Variants in MEGF10 observed in about 807,000 individuals in gnomAD.
MEGF10 encodes the protein multiple epidermal growth factor-like domains protein 10.
MEGF10 carries 86 observed loss-of-function variants against 147.5 expected under a neutral mutation model. The observed-to-expected ratio is 0.58, with a 90% CI of 0.49 to 0.70. The LOEUF (loss-of-function observed/expected upper bound fraction) is 0.70, where lower values mean the gene tolerates loss of function less well. MEGF10 is among the 30% of genes least tolerant of loss of function. The pLI is 0.00. For missense variants in MEGF10, 1,329 were observed against 1,487.3 expected (o/e 0.89, Z 1.75); for synonymous variants, 478 against 525.5 (o/e 0.91, Z 1.24).
intron 2 of MEGF10, among the ~76,000 whole-genome samples, 169 bp from the exon 3 acceptor site, chr5:127,338,951 T>C (rs1193130748): frequency 6.6e-6 from 1 of 152,108 alleles, no homozygotes; most frequent in Admixed American, 6.6e-5. Flanking sequence ...ATTGATCCTT[T>C]TGGGGTTCTA....
chr5:127,424,292 T>C, intron 13 of MEGF10: 1 of 702,554 alleles, frequency 1.4e-6, no homozygotes, highest in Non-Finnish European at 2.6e-6. Flanking sequence ...GAGGAAGCAT[T>C]AAAACTGAGA....
At chr5:127,378,865 T>C (rs1460773555) in intron 5 of MEGF10, among the ~76,000 whole-genome samples, 5 of 151,858 alleles carry the variant, frequency 3.3e-5, no homozygotes, top group Non-Finnish European at 7.4e-5. Context: ...TGGTTTTTTT[T>C]TTTTGGTGCA....
intron 4 of MEGF10, among the ~76,000 whole-genome samples, chr5:127,342,109 G>A (rs975156929): frequency 8.5e-5 from 13 of 152,094 alleles, no homozygotes; most frequent in African/African-American, 3.1e-4. Context: ...GATTAATAAT[G>A]ATGCTGAATA....
At chr5:127,321,886 T>C (rs139933571) in intron 1 of MEGF10, among the ~76,000 whole-genome samples, 380 of 152,216 alleles carry the variant, frequency 2.5e-3, no homozygotes, top group African/African-American at 8.7e-3. Context: ...GATGCTCAAG[T>C]ACCCTGCTAC....
At chr5:127,390,363 C>A (rs1321480221) in intron 5 of MEGF10, among the ~76,000 whole-genome samples, 2 of 152,030 alleles carry the variant, frequency 1.3e-5, no homozygotes, top group African/African-American at 4.8e-5. Flanking sequence ...AATCACGACT[C>A]ACTGCAGCCT....
At chr5:127,253,975 T>C in the MEGF10 span, among the ~76,000 whole-genome samples, 2 of 152,132 alleles carry the variant, frequency 1.3e-5, no homozygotes, top group Non-Finnish European at 2.9e-5. Flanking sequence ...GTCAAAGTCA[T>C]ACATATTCAC....
At chr5:127,270,170 T>G in the MEGF10 span, among the ~76,000 whole-genome samples, 2 of 152,120 alleles carry the variant, frequency 1.3e-5, no homozygotes, top group African/African-American at 4.8e-5. Context: ...AGAAACTGCA[T>G]CAACTAATGA....
intron 20 of MEGF10, among the ~76,000 whole-genome samples, chr5:127,447,116 G>A (rs1183638287): frequency 6.6e-6 from 1 of 152,200 alleles, no homozygotes; most frequent in Non-Finnish European, 1.5e-5. Context: ...GGCTGGGCAG[G>A]AGGAGATTCT....
chr5:127,396,592 C>A lies in MEGF10; in HGVS notation c.473C>A (p.Ala158Asp), dbSNP rs1763922568. Residue 158 changes from alanine (A) to aspartate (D), a missense_variant, in exon 6 of 25, where the codon GCT (alanine) becomes GAT (aspartate). Transcript: ENST00000503335. ...AGCCGGTGCCAGTGCAAAAATGGGG[C>A]TCTGTGCAACCCCATCACCGGGGCT... ...CTSRCQCKNG[A>D]LCNPITGACH... is the part of the protein sequence containing the mutation. The A allele has an allele frequency of 1.9e-6, 3 of 1,605,722 alleles. No homozygotes were observed. The South Asian group carries it at 3.3e-5, about 18-fold the overall frequency.
the MEGF10 span, among the ~76,000 whole-genome samples, chr5:127,239,799 G>A: frequency 6.6e-6 from 1 of 152,014 alleles, no homozygotes. Context: ...TTTTAAAAAG[G>A]AATGATTTAG....
At position 127,460,465 on chromosome 5, in the gene MEGF10, G is replaced by A. The variant is rs1766521787; in HGVS notation, c.*3147G>A. On this transcript the variant is annotated 3_prime_UTR_variant, in exon 25 of 25. Transcript: ENST00000503335. Reference sequence around the variant, plus strand: ...ATGGAATTTATATTCACCAATTTCAGGAAAACCAACCATAGAACTTTATAA... The same window carrying A: ...ATGGAATTTATATTCACCAATTTCAAGAAAACCAACCATAGAACTTTATAA... The A allele has an allele frequency of 6.6e-6, 1 of 152,094 alleles. No homozygotes were observed. The highest frequency in any genetic ancestry group is 2.4e-5 in the African/African-American group (1 of 41,414). The allele number at this position is 152,094 out of a possible 1,614,324, so 9.4% of individuals were successfully genotyped here.
intron 22 of MEGF10, 26 bp from the exon 23 acceptor site, chr5:127,454,540 G>T: frequency 6.3e-7 from 1 of 1,598,120 alleles, no homozygotes; most frequent in Non-Finnish European, 8.5e-7. Flanking sequence ...TTCTCACTGG[G>T]TGTTTTTTTT....
At chr5:127,424,942 C>T (rs919802618) in intron 13 of MEGF10, among the ~76,000 whole-genome samples, 3 of 152,196 alleles carry the variant, frequency 2.0e-5, no homozygotes, top group African/African-American at 7.2e-5. Flanking sequence ...ACATTTTTAA[C>T]CTTCTGGCAA....
chr5:127,268,564 C>A, the MEGF10 span, among the ~76,000 whole-genome samples: 48 of 152,144 alleles, frequency 3.2e-4, no homozygotes. Flanking sequence ...GTTGGTGAGG[C>A]TGGAGTAGGT....
chr5:127,368,195 A>G (rs1264426430), intron 4 of MEGF10, among the ~76,000 whole-genome samples: 1 of 152,208 alleles, frequency 6.6e-6, no homozygotes, highest in Admixed American at 6.5e-5. Flanking sequence ...CAGTGTGTTC[A>G]TATGTTACAG....
chr5:127,254,060 A>G, the MEGF10 span, among the ~76,000 whole-genome samples: 3 of 152,154 alleles, frequency 2.0e-5, no homozygotes, highest in African/African-American at 4.8e-5. Flanking sequence ...CCCATTTCCA[A>G]AGTAAAAAAT....
At chr5:127,278,803 T>G in the MEGF10 span, among the ~76,000 whole-genome samples, 1 of 152,172 alleles carries the variant, frequency 6.6e-6, no homozygotes, top group Non-Finnish European at 1.5e-5. Flanking sequence ...GGTCTTCAAC[T>G]GACAGTGAAG....
intron 4 of MEGF10, among the ~76,000 whole-genome samples, chr5:127,356,212 C>T (rs995811603): frequency 6.6e-6 from 1 of 152,196 alleles, no homozygotes; most frequent in African/African-American, 2.4e-5. Flanking sequence ...GGTATAGCGC[C>T]GGCCAGCGCT....
In MEGF10 at chr5:127,461,102, T is replaced by C. The variant is rs1164761950; in HGVS notation, c.*3784T>C. 6.6e-6 allele frequency: 1 copy of C among 152,204 alleles called. No homozygotes were observed. The highest frequency in any genetic ancestry group is 1.5e-5 in the Non-Finnish European group (1 of 68,032). 9.4% of individuals were successfully genotyped at this position (152,204 alleles called of 1,614,324 possible). ...TTGTGGCAAACAAACAAAAAATGCTTTCAGTGTTGAAATATCTCTATTTTC... is the reference window on the plus strand; with the variant it reads ...TTGTGGCAAACAAACAAAAAATGCTCTCAGTGTTGAAATATCTCTATTTTC... On this transcript the variant is annotated 3_prime_UTR_variant, in exon 25 of 25. Coordinates refer to ENST00000503335, the MANE Select transcript of MEGF10 (RefSeq NM_001256545.2).
Sources: allele counts gnomAD v4.1 joint callset (sites outside exome capture counted in the v4.1 genomes callset), GRCh38; gene constraint gnomAD v4.1.1; transcripts MANE v1.5; gene names NCBI Gene and HGNC (gene_info 2026-07-23, HGNC 2026-07-21).